Variants in LLGL2 observed in about 807,000 individuals in gnomAD.
LLGL2 encodes the protein LLGL scribble cell polarity complex component 2, also known as LLGL2, scribble cell polarity complex component.
A neutral mutation model predicts 123.2 loss-of-function variants in LLGL2; 81 were observed. That is an observed-to-expected ratio of 0.66 (90% confidence interval 0.55 to 0.79). The LOEUF (loss-of-function observed/expected upper bound fraction) is 0.79, where lower values mean the gene tolerates loss of function less well. LLGL2 is among the 30% of genes least tolerant of loss of function. LLGL2 has a pLI of 0.00. For missense variants in LLGL2, 1,273 were observed against 1,414.6 expected, an observed-to-expected ratio of 0.90 and a Z score of 1.61; for synonymous variants, 577 against 594.1, an observed-to-expected ratio of 0.97 and a Z score of 0.42.
At position 75,574,267 on chromosome 17, in the gene LLGL2, T is replaced by A; in HGVS notation, c.2953+7T>A. On this transcript the variant is annotated splice_region_variant and intron_variant, in intron 23 of 25. Transcript: ENST00000392550. ...GCTCTGCTCAGTGATGAGAGTGAGT[T>A]GGGTGGGAGAGGGTGGGGCTGGCAG... The A allele has an allele frequency of 3.7e-6, 1 of 272,622 alleles. No homozygotes were observed. Among genetic ancestry groups the A allele is most frequent in the Non-Finnish European group, 6.4e-6 (1 of 157,462 alleles). 16.9% of individuals were successfully genotyped at this position (272,622 alleles called of 1,614,324 possible).
intron 6 of LLGL2, among the ~76,000 whole-genome samples, chr17:75,560,550 G>A (rs373242084): frequency 9.2e-5 from 14 of 152,002 alleles, no homozygotes; most frequent in African/African-American, 1.4e-4. Context: ...GCAATGGCAC[G>A]ATCTTGGCTC....
intron 1 of LLGL2, among the ~76,000 whole-genome samples, chr17:75,527,791 T>C (rs2147051530): frequency 6.6e-6 from 1 of 151,816 alleles, no homozygotes; most frequent in East Asian, 1.9e-4. Context: ...TTTTTTCTTT[T>C]TTTGAGGCAG....
Position 75,559,402 on chromosome 17 carries a change from G to T in LLGL2, c.522G>T (p.Val174=), listed in dbSNP as rs765167029. ...LEDRTISSDA[V]LQRLPEEARH... The stretch of plus-strand genomic sequence containing the variant: ...ACCGGACCATCAGCTCGGACGCGGT[G>T]CTGCAGCGGTGAGCCCAGAGCCCAG... The change falls in exon 6 of 26, where the codon GTG becomes GTT. Residue 174 remains valine, a synonymous_variant. Transcript: ENST00000392550. The surrounding 1 kb of genome is among the most constrained non-coding windows in gnomAD (Gnocchi z 4.6). 3.9e-5 allele frequency: 62 copies of T among 1,607,326 alleles called. No individual in the cohort carries two copies. Among genetic ancestry groups the T allele is most frequent in the Admixed American group, 1.2e-4 (7 of 58,932 alleles).
chr17:75,557,027 T>TA, intron 3 of LLGL2, among the ~76,000 whole-genome samples: 1 of 129,054 alleles, frequency 7.7e-6, no homozygotes. Flanking sequence ...AGACTCTGTC[T>TA]CAAAAACTTT....
intron 2 of LLGL2, among the ~76,000 whole-genome samples, chr17:75,553,795 G>C (rs1350738844): frequency 6.6e-6 from 1 of 152,042 alleles, no homozygotes; most frequent in Non-Finnish European, 1.5e-5. Context: ...ATTTGTAGTG[G>C]GTTTATGTTC....
chr17:75,546,881 G>T (rs1433355365), intron 2 of LLGL2, among the ~76,000 whole-genome samples: 3 of 152,008 alleles, frequency 2.0e-5, no homozygotes. Flanking sequence ...CGGACGGTGG[G>T]ATACCCAGGG....
At chr17:75,538,091 G>A (rs181321985) in intron 1 of LLGL2, among the ~76,000 whole-genome samples, 1 of 152,340 alleles carries the variant, frequency 6.6e-6, no homozygotes, top group African/African-American at 2.4e-5. Flanking sequence ...GATTACAGGC[G>A]TGAGCCACCT....
intron 10 of LLGL2, among the ~76,000 whole-genome samples, chr17:75,565,075 AG>A (rs1452028605): frequency 6.6e-6 from 1 of 152,168 alleles, no homozygotes; most frequent in Non-Finnish European, 1.5e-5. Context: ...AATGGGACTT[AG>A]CCCACAGGGG....
Position 75,573,239 on chromosome 17 carries a change from A to C in LLGL2, c.2686A>C (p.Ser896Arg). 6.2e-7 allele frequency: 1 copy of C among 1,609,494 alleles called. No homozygotes were observed. The highest frequency in any genetic ancestry group is 8.5e-7 in the Non-Finnish European group (1 of 1,177,178). Residue 896 changes from serine (S) to arginine (R), a missense_variant, in exon 20 of 26, where the codon AGT becomes CGT. By Grantham distance (110) the Ser-to-Arg change is moderately radical. Transcript: ENST00000392550. ...RYSCIRREDV[S>R]GIASCVFTKY... ...CAGCTGCATCCGCCGGGAGGACGTC[A>C]GTGGCATCGCCTCCTGCGTCTTCAC...
chr17:75,546,249 T>C (rs2054418120), intron 2 of LLGL2: 1 of 152,204 alleles, frequency 6.6e-6, no homozygotes, highest in Non-Finnish European at 1.5e-5. Context: ...AAAAGTAATG[T>C]ATTTTGATCG....
intron 2 of LLGL2, among the ~76,000 whole-genome samples, chr17:75,554,532 A>T (rs2011626332): frequency 6.6e-6 from 1 of 151,836 alleles, no homozygotes; most frequent in Admixed American, 6.6e-5. Flanking sequence ...AGGTGGAAGG[A>T]TCACTTGAGC....
intron 22 of LLGL2, 22 bp from the exon 23 acceptor site, chr17:75,574,191 T>C (rs1259233905): frequency 3.9e-6 from 6 of 1,521,686 alleles, no homozygotes; most frequent in Non-Finnish European, 5.3e-6. Flanking sequence ...CGGGGCGCCC[T>C]GACCCGGCCT....
intron 10 of LLGL2, 26 bp from the exon 11 acceptor site, chr17:75,568,450 C>T (rs2055539126): frequency 3.1e-6 from 5 of 1,606,910 alleles, no homozygotes; most frequent in Non-Finnish European, 4.2e-6. Context: ...CTGGCCCCGG[C>T]CCCTGACCCT....
At chr17:75,556,767 A>T (rs923090581) in intron 3 of LLGL2, among the ~76,000 whole-genome samples, 17 of 152,234 alleles carry the variant, frequency 1.1e-4, no homozygotes, top group East Asian at 9.7e-4. Context: ...ATTTAAAAAA[A>T]TTTTTTTCGG....
intron 6 of LLGL2, among the ~76,000 whole-genome samples, chr17:75,560,802 TAAAAAAAAAAAAAAAAAAAAA>T (rs372940306): frequency 1.0e-5 from 1 of 96,066 alleles, no homozygotes; most frequent in Non-Finnish European, 2.1e-5. Context: ...GTTTATTTAT[TAAAAAAAAAAAAAAAAAAAAA>T]AAAAAAAAAC....
chr17:75,552,343 G>T (rs546471976), intron 2 of LLGL2, among the ~76,000 whole-genome samples: 1 of 152,080 alleles, frequency 6.6e-6, no homozygotes, highest in South Asian at 2.1e-4. Flanking sequence ...ACAAAAACTA[G>T]CTGGGCGTGG....
chr17:75,554,445 C>T (rs1222003013), intron 2 of LLGL2, among the ~76,000 whole-genome samples: 3 of 151,756 alleles, frequency 2.0e-5, no homozygotes, highest in Admixed American at 2.0e-4. Flanking sequence ...GTACCTGTCT[C>T]TACCAAAAAT....
At chr17:75,571,612 G>T (rs1355303766) in intron 17 of LLGL2, 55 bp from the exon 18 acceptor site, 2 of 1,373,784 alleles carry the variant, frequency 1.5e-6, no homozygotes, top group Non-Finnish European at 2.0e-6. Context: ...TGGTTGCCCA[G>T]CTCCACCCGA....
intron 6 of LLGL2, among the ~76,000 whole-genome samples, chr17:75,561,207 A>T (rs565800181): frequency 1.2e-3 from 158 of 128,138 alleles, no homozygotes; most frequent in Middle Eastern, 4.0e-3. Context: ...CTTTAGTCTC[A>T]TAACTGTCTC....
Sources: allele counts gnomAD v4.1 joint callset (sites outside exome capture counted in the v4.1 genomes callset), GRCh38; gene constraint gnomAD v4.1.1; non-coding constraint Gnocchi (gnomAD v3.1); transcripts MANE v1.5; gene names NCBI Gene and HGNC (gene_info 2026-07-23, HGNC 2026-07-21).